The following GTPBP4 variants were observed in gnomAD, a reference collection of about 807,000 sequenced individuals.
The protein encoded by GTPBP4 is GTP binding protein 4.
A neutral mutation model predicts 81.7 loss-of-function variants in GTPBP4; 15 were observed. That is an observed-to-expected ratio of 0.18 (90% confidence interval 0.12 to 0.28). The LOEUF (loss-of-function observed/expected upper bound fraction) is 0.28, where lower values mean the gene tolerates loss of function less well. GTPBP4 is among the 10% of genes least tolerant of loss of function. GTPBP4 has a pLI of 1.00. For synonymous variants in GTPBP4, 272 were observed against 274.6 expected (o/e 0.99, Z 0.09); for missense variants, 847 against 793.8 (o/e 1.07, Z -0.81).
rs781353616 is a variant in GTPBP4 at position 1,019,597 on chromosome 10, C to T, written c.*2370C>T. 18 of 1,614,062 alleles carry T rather than the reference C, an allele frequency of 1.1e-5. No individual in the cohort carries two copies. Among genetic ancestry groups the T allele is most frequent in the East Asian group, 2.2e-5 (1 of 44,856 alleles). ...GGCCACCACCGGTACAGAAACCTCT[C>T]GGCAATGGTTCTTAGCCAGGGGGTG... On this transcript the variant is annotated 3_prime_UTR_variant, in exon 17 of 17. Transcript: ENST00000360803.
chr10:988,626 C>T (rs925548021), intron 1 of GTPBP4, 99 bp downstream of exon 1: 2 of 882,994 alleles, frequency 2.3e-6, no homozygotes, highest in Middle Eastern at 3.1e-4. Context: ...CGGTCGCCTT[C>T]CGCTCGCCCA....
Position 1,017,062 on chromosome 10 carries a change from C to T in GTPBP4, c.1753-13C>T, listed in dbSNP as rs1349355173. 6.3e-6 allele frequency: 10 copies of T among 1,595,654 alleles called. No homozygotes were observed. In the Admixed American group the frequency reaches 1.3e-4, roughly 20 times the overall value. The stretch of plus-strand genomic sequence containing the variant: ...AGTAATGAACATACTTTATTTTTTT[C>T]TCCTCCTTTTAGATGGTGAAGAAAG... On this transcript the variant is annotated splice_polypyrimidine_tract_variant and intron_variant, in intron 16 of 16. Transcript: ENST00000360803.
intron 14 of GTPBP4, among the ~76,000 whole-genome samples, chr10:1,013,045 G>T (rs750097713): frequency 2.6e-5 from 4 of 151,838 alleles, no homozygotes; most frequent in African/African-American, 9.7e-5. Flanking sequence ...GTGCAATGGC[G>T]CCATCTTGGC....
chr10:1,007,030 C>G lies in GTPBP4; in HGVS notation c.1015C>G (p.Leu339Val). The G allele has an allele frequency of 6.2e-7, 1 of 1,607,926 alleles. No individual in the cohort carries two copies. The highest frequency in any genetic ancestry group is 8.5e-7 in the Non-Finnish European group (1 of 1,174,370). ...IKVKTEACDR[L>V]LAHRVETKMK... ...TTTACGTTATTAGGCTTGCGATAGG[C>G]TTTTGGCTCATCGAGTGGAAACCAA... Residue 339 changes from leucine to valine, a missense_variant, in exon 10 of 17, where the codon CTT becomes GTT. Physicochemically the swap from Leu to Val is conservative, Grantham distance 32. Transcript: ENST00000360803.
intron 15 of GTPBP4, 34 bp downstream of exon 15, chr10:1,014,346 C>T (rs1444737539): frequency 6.9e-7 from 1 of 1,446,806 alleles, no homozygotes; most frequent in South Asian, 1.1e-5. Context: ...GTTTATGTGG[C>T]TGGATACACC....
At chr10:988,955 T>C (rs17293580) in intron 1 of GTPBP4, 25,015 of 175,062 alleles carry the variant, frequency 0.14, 2,005 homozygotes, top group Non-Finnish European at 0.18. Flanking sequence ...CTGGGTTCGT[T>C]GTTCTCGTGA....
intron 1 of GTPBP4, among the ~76,000 whole-genome samples, chr10:991,228 G>T (rs887594168): frequency 5.3e-5 from 8 of 152,214 alleles, no homozygotes; most frequent in African/African-American, 1.9e-4. Context: ...CGTGAAGGAA[G>T]GGACAGTATC....
intron 13 of GTPBP4, 88 bp from the exon 14 acceptor site, chr10:1,012,377 C>A: frequency 1.1e-6 from 1 of 893,732 alleles, no homozygotes; most frequent in Non-Finnish European, 1.7e-6. Flanking sequence ...GTCAGGGAAA[C>A]AAAGCTCCCA....
Position 1,010,620 on chromosome 10 carries a change from T to C in GTPBP4, c.1344+100T>C. 5.3e-6 allele frequency: 4 copies of C among 755,762 alleles called. No individual in the cohort carries two copies. In the South Asian group the frequency reaches 5.6e-5, roughly 11 times the overall value. 46.8% of individuals were successfully genotyped at this position (755,762 alleles called of 1,614,324 possible). On this transcript the variant is annotated intron_variant, in intron 13 of 16. Transcript: ENST00000360803. Reference sequence around the variant, plus strand: ...CTTCGGCTCAGCTGGGCCTGTCCGCTTCATTCTGCACCCCTCCATCCTGAC... The same window carrying C: ...CTTCGGCTCAGCTGGGCCTGTCCGCCTCATTCTGCACCCCTCCATCCTGAC...
rs752471400 is a variant in GTPBP4 at position 1,000,716 on chromosome 10, G to C, written c.694G>C (p.Asp232His). ...TGGGATCCTGGACCACCCTCTGGAGGATAGGAACACCATCGAGATGCAGGC... is the reference window on the plus strand; with the variant it reads ...TGGGATCCTGGACCACCCTCTGGAGCATAGGAACACCATCGAGATGCAGGC... ...TPGILDHPLE[D>H]RNTIEMQAIT... Residue 232 changes from aspartate (D) to histidine (H), a missense_variant, in exon 7 of 17, where the codon GAT becomes CAT. Transcript: ENST00000360803. 5 of 1,568,250 alleles carry C rather than the reference G, an allele frequency of 3.2e-6. No individual in the cohort carries two copies. The highest frequency in any genetic ancestry group is 4.3e-6 in the Non-Finnish European group (5 of 1,158,172).
chr10:1,004,438 C>T (rs1381396408), intron 8 of GTPBP4, among the ~76,000 whole-genome samples: 1 of 152,080 alleles, frequency 6.6e-6, no homozygotes, highest in Non-Finnish European at 1.5e-5. Context: ...GCCCTGTTTC[C>T]CTGGGGTGTG....
At position 1,017,335 on chromosome 10, in the gene GTPBP4, A is replaced by C. The variant is rs959007978; in HGVS notation, c.*108A>C. The C allele has an allele frequency of 2.3e-5, 24 of 1,042,432 alleles. No individual in the cohort carries two copies. Among genetic ancestry groups the C allele is most frequent in the Non-Finnish European group, 3.1e-5 (22 of 706,116 alleles). The allele number at this position is 1,042,432 out of a possible 1,614,324, so 64.6% of individuals were successfully genotyped here. A position where few individuals can be genotyped will look rare whatever the true frequency, so the allele number is the denominator to read the frequency against. On this transcript the variant is annotated 3_prime_UTR_variant, in exon 17 of 17. Transcript: ENST00000360803. ...CTCTGTATAAACTGAAAAAGACAAA[A>C]TAAGTAAAGCACTTGTTGCTTTGCT...
intron 2 of GTPBP4, among the ~76,000 whole-genome samples, chr10:993,518 A>T (rs1831484899): frequency 6.6e-6 from 1 of 152,198 alleles, no homozygotes; most frequent in African/African-American, 2.4e-5. Flanking sequence ...AAGTGCTGGG[A>T]TTACAGGCGT....
At chr10:992,457 A>T (rs754863214) in intron 1 of GTPBP4, 32 bp from the exon 2 acceptor site, 25 of 1,294,204 alleles carry the variant, frequency 1.9e-5, no homozygotes, top group South Asian at 1.6e-4. Flanking sequence ...GACCCTTTTG[A>T]TGTAATTATG....
chr10:1,011,054 C>CCT (rs1831856939), intron 13 of GTPBP4, among the ~76,000 whole-genome samples: 3 of 104,008 alleles, frequency 2.9e-5, no homozygotes, highest in Admixed American at 9.8e-5. Context: ...TGTGCTGGGC[C>CCT]CTTCATTCTC....
chr10:992,415 A>G (rs1268442455), intron 1 of GTPBP4, 74 bp from the exon 2 acceptor site: 10 of 946,794 alleles, frequency 1.1e-5, no homozygotes, highest in Non-Finnish European at 1.6e-5. Flanking sequence ...AAAAAAAAAA[A>G]AGGAAGGTTT....
chr10:1,004,142 A>C (rs1018203952), intron 8 of GTPBP4, among the ~76,000 whole-genome samples: 1 of 152,128 alleles, frequency 6.6e-6, no homozygotes, highest in African/African-American at 2.4e-5. Context: ...AACCTGAGCC[A>C]GTAGGGAGGG....
At chr10:1,011,573 A>AGCTGAGCTC (rs1831874661) in intron 13 of GTPBP4, among the ~76,000 whole-genome samples, 1 of 140,814 alleles carries the variant, frequency 7.1e-6, no homozygotes, top group South Asian at 2.2e-4. Context: ...AATACTTGCC[A>AGCTGAGCTC]TCTGCATGTC....
At position 1,015,703 on chromosome 10, in the gene GTPBP4, GAGTGGAC is replaced by G. The variant is rs781009815; in HGVS notation, c.1609-49_1609-43del. On this transcript the variant is annotated intron_variant, in intron 15 of 16. Transcript: ENST00000360803. ...CCTGAGCGCTGAGCACTGAGCCTGG[GAGTGGAC>G]CTGGGGTCCTGAGCGCTGAGCATTG... is the stretch of plus-strand genomic sequence containing the variant. The G allele has an allele frequency of 3.6e-6, 5 of 1,406,564 alleles. 1 individual carries two copies. In the African/African-American group the frequency reaches 5.8e-5, roughly 16 times the overall value. The allele number at this position is 1,406,564 out of a possible 1,614,324, so 87.1% of individuals were successfully genotyped here.
Sources: allele counts gnomAD v4.1 joint callset (sites outside exome capture counted in the v4.1 genomes callset), GRCh38; gene constraint gnomAD v4.1.1; transcripts MANE v1.5; gene names NCBI Gene and HGNC (gene_info 2026-07-23, HGNC 2026-07-21).